Variants in GOLM2 observed in about 807,000 individuals in gnomAD.
GOLM2 encodes the protein golgi membrane protein 2, also known as protein GOLM2.
GOLM2 carries 26 observed loss-of-function variants against 55.9 expected under a neutral mutation model. The observed-to-expected ratio is 0.47, with a 90% CI of 0.34 to 0.65. The LOEUF (loss-of-function observed/expected upper bound fraction) is 0.65, where lower values mean the gene tolerates loss of function less well. Among genes scored for constraint, GOLM2 ranks in the 30% least tolerant of loss-of-function variants. GOLM2 has a pLI of 0.01. For synonymous variants in GOLM2, 165 were observed against 194.6 expected (o/e 0.85, Z 1.27); for missense variants, 486 against 531.8 (o/e 0.91, Z 0.85).
intron 8 of GOLM2, among the ~76,000 whole-genome samples, chr15:44,389,268 G>A (rs891948564): frequency 6.6e-6 from 1 of 152,086 alleles, no homozygotes; most frequent in Non-Finnish European, 1.5e-5. Flanking sequence ...AGTGGCACAC[G>A]CCTGTAATCC....
chr15:44,363,135 A>G (rs958833518), intron 6 of GOLM2, among the ~76,000 whole-genome samples: 2 of 152,174 alleles, frequency 1.3e-5, no homozygotes, highest in African/African-American at 4.8e-5. Context: ...AGGCACGGGC[A>G]AGGACTTCAT....
chr15:44,307,026 A>G (rs1217367807), intron 1 of GOLM2, among the ~76,000 whole-genome samples: 2 of 152,166 alleles, frequency 1.3e-5, no homozygotes, highest in Non-Finnish European at 1.5e-5. Context: ...AATTATCAAA[A>G]TGTGACATAG....
At chr15:44,320,448 T>G (rs564686410) in intron 1 of GOLM2, among the ~76,000 whole-genome samples, 1 of 152,080 alleles carries the variant, frequency 6.6e-6, no homozygotes, top group Non-Finnish European at 1.5e-5. Flanking sequence ...ACAGACATGT[T>G]CCACCATGCC....
At chr15:44,323,041 T>A (rs776105311) in intron 2 of GOLM2, 22 bp downstream of exon 2, 10 of 1,508,666 alleles carry the variant, frequency 6.6e-6, no homozygotes, top group Non-Finnish European at 8.0e-6. Flanking sequence ...AATTCCAGAT[T>A]AAAGATAAAC....
intron 6 of GOLM2, among the ~76,000 whole-genome samples, chr15:44,342,912 A>G (rs1324911222): frequency 6.6e-6 from 1 of 152,234 alleles, no homozygotes; most frequent in Non-Finnish European, 1.5e-5. Context: ...TTTAACAATT[A>G]TGTGACAATT....
At chr15:44,338,651 C>G (rs1567029452) in intron 6 of GOLM2, among the ~76,000 whole-genome samples, 1 of 152,094 alleles carries the variant, frequency 6.6e-6, no homozygotes, top group East Asian at 1.9e-4. Context: ...TCTTTCCCAC[C>G]AAATGTGCCC....
intron 2 of GOLM2, 36 bp downstream of exon 2, chr15:44,323,055 G>T: frequency 7.2e-7 from 1 of 1,394,240 alleles, no homozygotes; most frequent in South Asian, 1.4e-5. Flanking sequence ...GATAAACCAA[G>T]GTCACTAAAT....
rs145903826 is a variant in GOLM2, at chr15:44,402,930, T to C, written c.1116T>C (p.His372=). 314 of 1,613,992 alleles carry C rather than the reference T, an allele frequency of 1.9e-4. 2 individuals are homozygous for C. Among genetic ancestry groups the C allele is most frequent in the Admixed American group, 1.6e-3 (94 of 59,976 alleles). ...ATGAATCCCCTGTTGATCCGCAGCA[T>C]GGCTCTAAACTGGCGGATTATAATG... ...DENESPVDPQ[H]GSKLADYNGD... is the part of the protein sequence containing the mutation. The change falls in exon 9 of 10, where the codon CAT becomes CAC. Residue 372 remains histidine, a synonymous_variant. Transcript: ENST00000299957.
At chr15:44,377,469 C>T (rs1254244542) in intron 6 of GOLM2, among the ~76,000 whole-genome samples, 1 of 152,232 alleles carries the variant, frequency 6.6e-6, no homozygotes, top group Non-Finnish European at 1.5e-5. Flanking sequence ...CTCCCAGGTT[C>T]TAGCAATTCT....
At chr15:44,356,603 A>G (rs1431080831) in intron 6 of GOLM2, among the ~76,000 whole-genome samples, 2 of 152,234 alleles carry the variant, frequency 1.3e-5, no homozygotes, top group African/African-American at 2.4e-5. Context: ...AGCACCAGGT[A>G]CAGATGGGTT....
At chr15:44,411,878 C>G (rs1320510363) in intron 9 of GOLM2, among the ~76,000 whole-genome samples, 2 of 151,552 alleles carry the variant, frequency 1.3e-5, no homozygotes, top group African/African-American at 2.4e-5. Flanking sequence ...CTCTCCAAGG[C>G]TCTCATCAAA....
chr15:44,377,369 C>A (rs908894849), intron 6 of GOLM2, among the ~76,000 whole-genome samples: 1 of 152,124 alleles, frequency 6.6e-6, no homozygotes, highest in Non-Finnish European at 1.5e-5. Context: ...AAAACCCTGT[C>A]TCAGAAAATA....
Position 44,413,495 on chromosome 15 carries a change from T to A in GOLM2, c.*89T>A. The A allele has an allele frequency of 1.1e-6, 1 of 926,850 alleles. No homozygotes were observed. The highest frequency in any genetic ancestry group is 1.7e-6 in the Non-Finnish European group (1 of 583,184). 57.4% of individuals were successfully genotyped at this position (926,850 alleles called of 1,614,324 possible). A position where few individuals can be genotyped will look rare whatever the true frequency, so the allele number is the denominator to read the frequency against. ...TTCTGACTTTTGTTGTAAAGACGAA[T>A]TGTATCAGTTGTAAAGATACATTGA... is the stretch of plus-strand genomic sequence containing the variant. On this transcript the variant is annotated 3_prime_UTR_variant, in exon 10 of 10. Transcript: ENST00000299957.
chr15:44,389,770 C>A (rs2079475314), intron 8 of GOLM2, among the ~76,000 whole-genome samples: 1 of 152,154 alleles, frequency 6.6e-6, no homozygotes, highest in Non-Finnish European at 1.5e-5. Context: ...CAACCTTGAC[C>A]TCCTTGGGCT....
chr15:44,337,675 G>T, intron 4 of GOLM2, 88 bp from the exon 5 acceptor site: 1 of 909,812 alleles, frequency 1.1e-6, no homozygotes, highest in Non-Finnish European at 1.6e-6. Context: ...TTTACAAGAT[G>T]AACTGTTTCA....
At chr15:44,326,382 GTTA>G (rs1333585706) in intron 2 of GOLM2, among the ~76,000 whole-genome samples, 21 of 151,538 alleles carry the variant, frequency 1.4e-4, no homozygotes, top group East Asian at 5.8e-4. Context: ...TTATACAATA[GTTA>G]TTATGCATAT....
At chr15:44,386,134 CCTGTGTTTT>C in intron 8 of GOLM2, among the ~76,000 whole-genome samples, 1 of 152,002 alleles carries the variant, frequency 6.6e-6, no homozygotes, top group African/African-American at 2.4e-5. Context: ...AAGATTTCCC[CCTGTGTTTT>C]CTTCTAAGAC....
intron 1 of GOLM2, among the ~76,000 whole-genome samples, chr15:44,322,683 C>A (rs1484170391): frequency 3.3e-5 from 5 of 152,046 alleles, no homozygotes; most frequent in Admixed American, 3.3e-4. Flanking sequence ...GACCATAGCT[C>A]TGAGTTTTAG....
intron 4 of GOLM2, among the ~76,000 whole-genome samples, chr15:44,337,532 A>G (rs894878685): frequency 4.6e-5 from 7 of 152,062 alleles, no homozygotes; most frequent in Non-Finnish European, 8.8e-5. Context: ...TCTGCCTACC[A>G]AATCATTCAT....
Sources: allele counts gnomAD v4.1 joint callset (sites outside exome capture counted in the v4.1 genomes callset), GRCh38; gene constraint gnomAD v4.1.1; transcripts MANE v1.5; gene names NCBI Gene and HGNC (gene_info 2026-07-23, HGNC 2026-07-21).